RABGAP1L: variants seen among roughly 807,000 people sequenced by gnomAD.
RABGAP1L encodes rab GTPase-activating protein 1-like.
In RABGAP1L, 63 loss-of-function variants were observed where a neutral mutation model predicts 137.7. That is an observed-to-expected ratio of 0.46 (90% CI 0.37 to 0.56). The LOEUF is 0.56. Among genes scored for constraint, RABGAP1L ranks in the 20% least tolerant of loss-of-function variants. The pLI, the probability that RABGAP1L is intolerant of heterozygous loss-of-function variation, is 0.00. For synonymous variants in RABGAP1L, 431 were observed against 433.7 expected (o/e 0.99, Z 0.08); for missense variants, 1,095 against 1,244.0 (o/e 0.88, Z 1.80).
chr1:174,370,190 C>A (rs1460067325), intron 11 of RABGAP1L, among the ~76,000 whole-genome samples: 1 of 152,160 alleles, frequency 6.6e-6, no homozygotes, highest in Non-Finnish European at 1.5e-5. Flanking sequence ...TTATTTTATT[C>A]CGATAGTACT....
chr1:174,618,141 T>C (rs1404448004), intron 13 of RABGAP1L, among the ~76,000 whole-genome samples: 1 of 152,110 alleles, frequency 6.6e-6, no homozygotes, highest in African/African-American at 2.4e-5. Context: ...ACAAAGCGGC[T>C]GGGAAGCTCG....
At chr1:174,290,533 G>T (rs2148715572) in intron 10 of RABGAP1L, among the ~76,000 whole-genome samples, 1 of 152,264 alleles carries the variant, frequency 6.6e-6, no homozygotes, top group East Asian at 1.9e-4. Context: ...CTTGTATGTA[G>T]ATAGTTGCTA....
chr1:174,725,490 A>T (rs755618202), intron 17 of RABGAP1L, among the ~76,000 whole-genome samples: 53 of 152,076 alleles, frequency 3.5e-4, no homozygotes, highest in Non-Finnish European at 6.9e-4. Context: ...TAAGTTTTCT[A>T]TTTGGGAAAA....
chr1:174,692,386 A>G (rs1678934395), intron 15 of RABGAP1L, among the ~76,000 whole-genome samples: 1 of 152,190 alleles, frequency 6.6e-6, no homozygotes, highest in Admixed American at 6.5e-5. Flanking sequence ...GCCACTTATG[A>G]TCAGTTTTAA....
At chr1:174,822,745 G>A (rs1210167873) in intron 19 of RABGAP1L, among the ~76,000 whole-genome samples, 1 of 152,176 alleles carries the variant, frequency 6.6e-6, no homozygotes, top group African/African-American at 2.4e-5. Flanking sequence ...GCTCTCCCAC[G>A]AGGCACCTCT....
chr1:174,600,920 C>G (rs774565407), intron 13 of RABGAP1L, among the ~76,000 whole-genome samples: 1 of 152,246 alleles, frequency 6.6e-6, no homozygotes, highest in African/African-American at 2.4e-5. Context: ...CCACATTTCC[C>G]TTCCGCACTG....
At chr1:174,537,890 A>G (rs570526880) in intron 13 of RABGAP1L, among the ~76,000 whole-genome samples, 1 of 152,196 alleles carries the variant, frequency 6.6e-6, no homozygotes, top group East Asian at 1.9e-4. Context: ...TACCCTATGC[A>G]AGAGTATTGT....
chr1:174,204,260 A>T (rs1215204400), intron 1 of RABGAP1L, among the ~76,000 whole-genome samples: 3 of 152,022 alleles, frequency 2.0e-5, no homozygotes, highest in African/African-American at 7.2e-5. Flanking sequence ...CTGTACATTG[A>T]TTTTGTATCC....
chr1:174,333,103 G>A (rs966968089), intron 11 of RABGAP1L, among the ~76,000 whole-genome samples: 1 of 152,162 alleles, frequency 6.6e-6, no homozygotes, highest in Non-Finnish European at 1.5e-5. Context: ...CTCATGTGTG[G>A]AATCCAAAAA....
rs373968612 is a variant in RABGAP1L at position 174,262,599 on chromosome 1, C to T, written c.987-9815C>T. Among the ~76,000 whole-genome samples, 54 of 152,282 alleles carry T rather than the reference C, an allele frequency of 3.5e-4. 1 individual carries two copies. The highest frequency in any genetic ancestry group is 1.2e-3 in the African/African-American group (51 of 41,556). ...CACAGCTAGGAAACTGGCATTGGTA[C>T]AATTTGCAGACCTCTATTGCAGCTC... On this transcript the variant is annotated intron_variant, in intron 7 of 25. Transcript: ENST00000681986.
intron 19 of RABGAP1L, among the ~76,000 whole-genome samples, chr1:174,859,547 A>G (rs371915464): frequency 6.6e-5 from 10 of 151,972 alleles, no homozygotes; most frequent in African/African-American, 2.4e-4. Flanking sequence ...AAAGAATGAG[A>G]TTGTGTCCTT....
intron 13 of RABGAP1L, among the ~76,000 whole-genome samples, chr1:174,400,915 C>A (rs1004668827): frequency 1.7e-4 from 26 of 151,968 alleles, no homozygotes; most frequent in South Asian, 4.2e-4. Flanking sequence ...GTTTTATAAT[C>A]TATAGAAAAT....
intron 13 of RABGAP1L, among the ~76,000 whole-genome samples, chr1:174,428,207 C>T (rs971014264): frequency 1.3e-5 from 2 of 152,124 alleles, no homozygotes; most frequent in African/African-American, 4.8e-5. Context: ...GAAACATTAT[C>T]CTTTCAACAA....
In RABGAP1L at chr1:174,189,182, T is replaced by G. The variant is rs192998362; in HGVS notation, c.-34+29525T>G. 9.2e-5 allele frequency among the ~76,000 whole-genome samples: 14 copies of G among 152,228 alleles called. 1 individual carries two copies. The East Asian group carries it at 2.7e-3, about 29-fold the overall frequency. ...CACCACACCTGGCTAATTTTTTGTGTTTTTGGTAGAGACGGGGTTTCACTG... is the reference window on the plus strand; with the variant it reads ...CACCACACCTGGCTAATTTTTTGTGGTTTTGGTAGAGACGGGGTTTCACTG... On this transcript the variant is annotated intron_variant, in intron 1 of 25. Transcript: ENST00000681986.
At chr1:174,443,118 G>A (rs1654342619) in intron 13 of RABGAP1L, among the ~76,000 whole-genome samples, 2 of 151,820 alleles carry the variant, frequency 1.3e-5, no homozygotes, top group South Asian at 4.2e-4. Flanking sequence ...ACCTGTTCAT[G>A]TCTTGATGGA....
chr1:174,949,851 C>G (rs780420110), intron 19 of RABGAP1L, among the ~76,000 whole-genome samples: 15 of 152,210 alleles, frequency 9.9e-5, no homozygotes, highest in Admixed American at 2.6e-4. Flanking sequence ...TAAGCAGATT[C>G]TATAAAATGC....
At chr1:174,579,865 A>G (rs1668610965) in intron 13 of RABGAP1L, among the ~76,000 whole-genome samples, 3 of 152,132 alleles carry the variant, frequency 2.0e-5, no homozygotes, top group Admixed American at 2.0e-4. Flanking sequence ...AGGTTCAAGC[A>G]ATTCTCCTGC....
intron 13 of RABGAP1L, among the ~76,000 whole-genome samples, chr1:174,553,420 G>A (rs1572298538): frequency 6.6e-6 from 1 of 152,086 alleles, no homozygotes. Flanking sequence ...TATAAGGAAG[G>A]CATCCAGTAT....
intron 19 of RABGAP1L, chr1:174,934,805 G>A (rs554972975): frequency 1.6e-4 from 21 of 130,274 alleles, no homozygotes; most frequent in African/African-American, 5.7e-4. Context: ...ATATATGTGT[G>A]TGTGTATGTG....
Sources: gnomAD v4.1 joint callset for allele counts (sites outside exome capture counted in the v4.1 genomes callset) on GRCh38, gnomAD v4.1.1 for gene constraint, MANE v1.5 for transcripts, NCBI Gene and HGNC (gene_info 2026-07-23, HGNC 2026-07-21) for gene names.